Variants in MECOM observed in about 807,000 individuals in gnomAD.
The protein encoded by MECOM is histone-lysine N-methyltransferase MECOM.
In MECOM, 13 loss-of-function variants were observed where a neutral mutation model predicts 116.3. That is an observed-to-expected ratio of 0.11 (90% CI 0.07 to 0.18). MECOM has a LOEUF of 0.18. MECOM is among the 10% of genes least tolerant of loss of function. MECOM has a pLI of 1.00. For synonymous variants in MECOM, 528 were observed against 535.2 expected (o/e 0.99, Z 0.19); for missense variants, 1,299 against 1,509.0 (o/e 0.86, Z 2.31).
chr3:169,402,354 T>G (rs1220387645), intron 1 of MECOM, among the ~76,000 whole-genome samples: 3 of 152,142 alleles, frequency 2.0e-5, no homozygotes, highest in Non-Finnish European at 4.4e-5. Flanking sequence ...GAGGCAATCA[T>G]AGAGCCCTGG....
At position 169,131,386 on chromosome 3, in the gene MECOM, G is replaced by A. The variant is rs750954846; in HGVS notation, c.613+43C>T. The stretch of plus-strand genomic sequence containing the variant: ...ATGCTTTCGATGCTACTTTATAGTC[G>A]CGATGATAAGGTGATAAGGAGGGTG... On this transcript the variant is annotated intron_variant, in intron 4 of 16. Coordinates refer to ENST00000651503, the MANE Select transcript of MECOM (RefSeq NM_004991.4). The A allele has an allele frequency of 3.4e-6, 5 of 1,479,828 alleles. No individual in the cohort carries two copies. In the Admixed American group the frequency reaches 8.4e-5, roughly 25 times the overall value. 91.7% of individuals were successfully genotyped at this position (1,479,828 alleles called of 1,614,324 possible). A position where few individuals can be genotyped will look rare whatever the true frequency, so the allele number is the denominator to read the frequency against.
intron 2 of MECOM, among the ~76,000 whole-genome samples, chr3:169,157,458 A>G (rs1357538891): frequency 2.6e-5 from 4 of 152,190 alleles, no homozygotes; most frequent in Admixed American, 1.3e-4. Flanking sequence ...AGAGCCAGAA[A>G]AGTATGTTTA....
At chr3:169,461,839 G>A (rs1010537797) in intron 1 of MECOM, among the ~76,000 whole-genome samples, 1 of 152,088 alleles carries the variant, frequency 6.6e-6, no homozygotes, top group African/African-American at 2.4e-5. Context: ...CCAATTCCAA[G>A]GATCTTACAG....
chr3:169,599,326 C>T (rs1256118747), intron 1 of MECOM, among the ~76,000 whole-genome samples: 1 of 151,946 alleles, frequency 6.6e-6, no homozygotes, highest in Non-Finnish European at 1.5e-5. Context: ...CCATTCTGGC[C>T]AACATGGTGA....
chr3:169,475,034 A>G (rs62294351), intron 1 of MECOM, among the ~76,000 whole-genome samples: 8,252 of 152,214 alleles, frequency 0.054, 234 homozygotes, highest in Non-Finnish European at 0.065. Flanking sequence ...AAGCCTGAAC[A>G]ACTCCTACTG....
At chr3:169,566,133 C>T (rs3863106) in intron 1 of MECOM, 60,753 of 278,592 alleles carry the variant, frequency 0.22, 7,915 homozygotes, top group Non-Finnish European at 0.28. Flanking sequence ...CTCACTATCA[C>T]AAGAACAGCA....
chr3:169,588,751 C>T lies in MECOM; in HGVS notation c.37+74585G>A, dbSNP rs77181074. 1.1e-3 allele frequency among the ~76,000 whole-genome samples: 163 copies of T among 152,226 alleles called. 1 individual carries two copies. The highest frequency in any genetic ancestry group is 1.9e-3 in the Non-Finnish European group (127 of 68,006). On this transcript the variant is annotated intron_variant, in intron 1 of 16. Transcript: ENST00000651503. Reference sequence around the variant, plus strand: ...CGTACGTTTTCCACAGTTAATTAATCCTGCTTTCCCTCATGACAAATGACC... The same window carrying T: ...CGTACGTTTTCCACAGTTAATTAATTCTGCTTTCCCTCATGACAAATGACC...
chr3:169,555,011 G>C (rs1378020157), intron 1 of MECOM, among the ~76,000 whole-genome samples: 1 of 152,198 alleles, frequency 6.6e-6, no homozygotes, highest in Non-Finnish European at 1.5e-5. Context: ...GCTAATGCAG[G>C]TGGCCAGATC....
intron 2 of MECOM, among the ~76,000 whole-genome samples, chr3:169,379,478 T>C (rs1732047011): frequency 6.6e-6 from 1 of 151,976 alleles, no homozygotes; most frequent in Non-Finnish European, 1.5e-5. Context: ...AAAAAAATCA[T>C]TTTACATTTC....
rs1776464617 is a variant in MECOM at position 169,662,707 on chromosome 3, G to T, written c.37+629C>A. 6.6e-5 allele frequency among the ~76,000 whole-genome samples: 10 copies of T among 152,104 alleles called. No homozygotes were observed. The South Asian group carries it at 2.1e-3, about 32-fold the overall frequency. ...CCCACTACCGCAGCCGCGGCTCGGCGCAGTCCACCCGCCCGCCCGCGCAAC... is the reference window on the plus strand; with the variant it reads ...CCCACTACCGCAGCCGCGGCTCGGCTCAGTCCACCCGCCCGCCCGCGCAAC... On this transcript the variant is annotated intron_variant, in intron 1 of 16. Transcript: ENST00000651503.
chr3:169,101,102 A>G (rs1022651468), intron 11 of MECOM, 140 bp from the exon 12 acceptor site: 3 of 454,116 alleles, frequency 6.6e-6, no homozygotes, highest in Non-Finnish European at 1.2e-5. Context: ...AAAATTTACA[A>G]CAAAGCCATT....
At chr3:169,125,868 A>G (rs1296474055) in intron 5 of MECOM, among the ~76,000 whole-genome samples, 1 of 152,054 alleles carries the variant, frequency 6.6e-6, no homozygotes, top group African/African-American at 2.4e-5. Flanking sequence ...GATTTTACAT[A>G]AAGGATAGAC....
chr3:169,195,587 C>T (rs1367706253), intron 2 of MECOM, among the ~76,000 whole-genome samples: 1 of 151,958 alleles, frequency 6.6e-6, no homozygotes, highest in Admixed American at 6.6e-5. Flanking sequence ...ACTTTATAAC[C>T]CTCTGCTTAA....
chr3:169,093,621 T>A (rs1379846272), intron 13 of MECOM, among the ~76,000 whole-genome samples: 1 of 152,174 alleles, frequency 6.6e-6, no homozygotes, highest in African/African-American at 2.4e-5. Flanking sequence ...CTCAGAACAC[T>A]CCAGTCCAGG....
intron 13 of MECOM, among the ~76,000 whole-genome samples, chr3:169,094,566 C>CT (rs1645688586): frequency 6.6e-6 from 1 of 152,232 alleles, no homozygotes; most frequent in Non-Finnish European, 1.5e-5. Flanking sequence ...CTATCATTTG[C>CT]TATGGGTTGC....
At chr3:169,609,782 T>C (rs984127145) in intron 1 of MECOM, among the ~76,000 whole-genome samples, 3 of 152,206 alleles carry the variant, frequency 2.0e-5, no homozygotes, top group African/African-American at 4.8e-5. Context: ...AGAGTATAAT[T>C]AAAATTTCAT....
intron 12 of MECOM, 32 bp from the exon 13 acceptor site, chr3:169,095,277 A>T: frequency 6.3e-7 from 1 of 1,585,928 alleles, no homozygotes; most frequent in African/African-American, 1.3e-5. Context: ...AATATTAGCA[A>T]GCACATTAAA....
intron 1 of MECOM, among the ~76,000 whole-genome samples, chr3:169,661,992 C>A (rs1776341968): frequency 6.6e-6 from 1 of 152,186 alleles, no homozygotes; most frequent in Non-Finnish European, 1.5e-5. Flanking sequence ...CGCTCCCAGC[C>A]GCTCCGGGGC....
At chr3:169,137,639 C>T (rs1736763244) in intron 3 of MECOM, among the ~76,000 whole-genome samples, 1 of 152,078 alleles carries the variant, frequency 6.6e-6, no homozygotes, top group Non-Finnish European at 1.5e-5. Context: ...TACTGCCTTG[C>T]TATATCCACT....
Sources: gnomAD v4.1 joint callset for allele counts (sites outside exome capture counted in the v4.1 genomes callset) on GRCh38, gnomAD v4.1.1 for gene constraint, MANE v1.5 for transcripts, NCBI Gene and HGNC (gene_info 2026-07-23, HGNC 2026-07-21) for gene names.